Variants in PIK3CD observed in about 807,000 individuals in gnomAD.
PIK3CD encodes phosphatidylinositol-4,5-bisphosphate 3-kinase catalytic subunit delta.
A neutral mutation model predicts 122.9 loss-of-function variants in PIK3CD; 20 were observed. The ratio of observed to expected loss-of-function variants is 0.16; its 90% confidence interval spans 0.11 to 0.24. The LOEUF (loss-of-function observed/expected upper bound fraction) is 0.24, where lower values mean the gene tolerates loss of function less well. Among genes scored for constraint, PIK3CD ranks in the 10% least tolerant of loss-of-function variants. The pLI is 1.00. For synonymous variants in PIK3CD, 596 were observed against 593.4 expected (o/e 1.00, Z -0.06); for missense variants, 787 against 1,406.3 (o/e 0.56, Z 7.04).
chr1:9,673,507 C>T (rs1331661318), intron 1 of PIK3CD, among the ~76,000 whole-genome samples: 2 of 152,114 alleles, frequency 1.3e-5, no homozygotes, highest in Non-Finnish European at 2.9e-5. Flanking sequence ...GTGATCCACC[C>T]ACCTTGGCGT....
Position 9,710,704 on chromosome 1 carries a change from G to A in PIK3CD, c.141+108G>A. Reference sequence around the variant, plus strand: ...AGACAGATGGACAGGTGGACAGACGGACAGACAGATGGACAGATGCACTGC... The same window carrying A: ...AGACAGATGGACAGGTGGACAGACGAACAGACAGATGGACAGATGCACTGC... On this transcript the variant is annotated intron_variant, in intron 3 of 23. Coordinates refer to ENST00000377346, the MANE Select transcript of PIK3CD (RefSeq NM_005026.5). This position sits in a 1 kb window ranked among gnomAD's most constrained non-coding sequence, Gnocchi z 4.7. 2 of 1,246,098 alleles carry A rather than the reference G, an allele frequency of 1.6e-6. No homozygotes were observed. The highest frequency in any genetic ancestry group is 3.5e-5 in the Admixed American group (2 of 57,590). 77.2% of individuals were successfully genotyped at this position (1,246,098 alleles called of 1,614,324 possible).
At chr1:9,633,653 G>A in the PIK3CD span, among the ~76,000 whole-genome samples, 1 of 152,154 alleles carries the variant, frequency 6.6e-6, no homozygotes, top group African/African-American at 2.4e-5. Context: ...CCTTAGACTA[G>A]GTCATAGGTC....
At chr1:9,702,695 A>G (rs1236257413) in intron 2 of PIK3CD, among the ~76,000 whole-genome samples, 1 of 150,268 alleles carries the variant, frequency 6.7e-6, no homozygotes, top group Non-Finnish European at 1.5e-5. Context: ...TAACTTTTGT[A>G]TTTTTAGTAG....
intron 2 of PIK3CD, among the ~76,000 whole-genome samples, chr1:9,701,223 C>T (rs1646615264): frequency 6.6e-6 from 1 of 152,122 alleles, no homozygotes; most frequent in Admixed American, 6.6e-5. Flanking sequence ...CCGTGCCCAC[C>T]ACCCCCTGCT....
rs1294754656 is a variant in PIK3CD at position 9,719,245 on chromosome 1, G to A, written c.1242+330G>A. Among the ~76,000 whole-genome samples the A allele has an allele frequency of 6.6e-6, 1 of 152,234 alleles. No individual in the cohort carries two copies. Among genetic ancestry groups the A allele is most frequent in the African/African-American group, 2.4e-5 (1 of 41,462 alleles). On this transcript the variant is annotated intron_variant, in intron 9 of 23. Transcript: ENST00000377346. This position sits in a 1 kb window ranked among gnomAD's most constrained non-coding sequence, Gnocchi z 5.5. ...GAAAAGCCTGAGTCAGCGGCTGGCC[G>A]GGAGGCGTAGTGGCTGGGTGCTGAG...
intron 1 of PIK3CD, among the ~76,000 whole-genome samples, chr1:9,667,432 A>C (rs935049706): frequency 6.6e-6 from 1 of 150,748 alleles, no homozygotes; most frequent in African/African-American, 2.4e-5. Flanking sequence ...GCTGGAGTGC[A>C]GTGGCGCAAT....
intron 2 of PIK3CD, among the ~76,000 whole-genome samples, chr1:9,702,754 C>A (rs1646696197): frequency 6.6e-6 from 1 of 151,922 alleles, no homozygotes; most frequent in African/African-American, 2.4e-5. Flanking sequence ...CTCCTGACTT[C>A]AAGTGATCCA....
rs777116162 is a variant in PIK3CD at position 9,653,933 on chromosome 1, C to T, written c.-138+2131C>T. 5 of 1,364,868 alleles carry T rather than the reference C, an allele frequency of 3.7e-6. No homozygotes were observed. The African/African-American group carries it at 5.9e-5, about 16-fold the overall frequency. 84.5% of individuals were successfully genotyped at this position (1,364,868 alleles called of 1,614,324 possible). A position where few individuals can be genotyped will look rare whatever the true frequency, so the allele number is the denominator to read the frequency against. Reference sequence around the variant, plus strand: ...CTTAAAACCCAGTTGTGGCTGAGAGCGGTAGCTCATACCTGTCATCCCAGT... The same window carrying T: ...CTTAAAACCCAGTTGTGGCTGAGAGTGGTAGCTCATACCTGTCATCCCAGT... On this transcript the variant is annotated intron_variant, in intron 1 of 23. Coordinates refer to ENST00000377346, the MANE Select transcript of PIK3CD (RefSeq NM_005026.5).
intron 13 of PIK3CD, 93 bp downstream of exon 13, chr1:9,721,002 C>G (rs1648549671): frequency 6.9e-7 from 1 of 1,451,588 alleles, no homozygotes; most frequent in Non-Finnish European, 9.4e-7. Context: ...CCCACCCTCA[C>G]CCTGGCCAAC....
At chr1:9,641,945 A>G in the PIK3CD span, among the ~76,000 whole-genome samples, 1 of 152,052 alleles carries the variant, frequency 6.6e-6, no homozygotes. Context: ...GCAGCTTTCT[A>G]GTTGTGTTGA....
At chr1:9,712,619 GAA>G (rs1647101881) in intron 3 of PIK3CD, among the ~76,000 whole-genome samples, 1 of 152,142 alleles carries the variant, frequency 6.6e-6, no homozygotes, top group Non-Finnish European at 1.5e-5. Context: ...TGGGAGCAGG[GAA>G]AAAATACGAA....
intron 2 of PIK3CD, among the ~76,000 whole-genome samples, chr1:9,707,040 T>C (rs1050005143): frequency 6.6e-6 from 1 of 151,162 alleles, no homozygotes; most frequent in African/African-American, 2.4e-5. Flanking sequence ...CTCTAACTCC[T>C]GGCCTCAAGT....
At chr1:9,661,901 C>T (rs537037408) in intron 1 of PIK3CD, among the ~76,000 whole-genome samples, 8 of 152,086 alleles carry the variant, frequency 5.3e-5, no homozygotes, top group Non-Finnish European at 1.2e-4. Flanking sequence ...GAGGCTGAGG[C>T]AGGACAATGG....
chr1:9,681,643 CT>C (rs1409419179), intron 1 of PIK3CD, among the ~76,000 whole-genome samples: 5 of 152,208 alleles, frequency 3.3e-5, no homozygotes, highest in African/African-American at 1.2e-4. Flanking sequence ...CTCAGGCAAT[CT>C]GCTCGCCTCC....
chr1:9,710,251 C>A lies in PIK3CD; in HGVS notation c.-32-173C>A. On this transcript the variant is annotated intron_variant, in intron 2 of 23. Coordinates refer to ENST00000377346, the MANE Select transcript of PIK3CD (RefSeq NM_005026.5). The surrounding 1 kb of genome is among the most constrained non-coding windows in gnomAD (Gnocchi z 4.7). ...GCCCGGAGTAGTAGGAGCCACAAGC[C>A]ACCCTGGGCAGGACGAGGCCCTGAG... 3.2e-6 allele frequency: 2 copies of A among 616,760 alleles called. No homozygotes were observed. Among genetic ancestry groups the A allele is most frequent in the Non-Finnish European group, 2.9e-6 (1 of 341,108 alleles). The allele number at this position is 616,760 out of a possible 1,614,324, so 38.2% of individuals were successfully genotyped here.
At position 9,723,377 on chromosome 1, in the gene PIK3CD, G is replaced by A. The variant is rs528605515; in HGVS notation, c.2594+85G>A. The stretch of plus-strand genomic sequence containing the variant: ...GCCTCGCCTGTCAGAACAAAGGAGC[G>A]GGGAGGGGCCTCAGACCATCTTTGT... On this transcript the variant is annotated intron_variant, in intron 20 of 23. Coordinates refer to ENST00000377346, the MANE Select transcript of PIK3CD (RefSeq NM_005026.5). This position sits in a 1 kb window ranked among gnomAD's most constrained non-coding sequence, Gnocchi z 4.9. 1.3e-5 allele frequency: 19 copies of A among 1,413,268 alleles called. No homozygotes were observed. The highest frequency in any genetic ancestry group is 1.0e-4 in the Admixed American group (6 of 59,374). The allele number at this position is 1,413,268 out of a possible 1,614,324, so 87.5% of individuals were successfully genotyped here.
At chr1:9,683,266 A>G (rs1645836521) in intron 1 of PIK3CD, among the ~76,000 whole-genome samples, 1 of 151,648 alleles carries the variant, frequency 6.6e-6, no homozygotes, top group Non-Finnish European at 1.5e-5. Flanking sequence ...GTGAAAACCC[A>G]TCTCTACTAA....
chr1:9,703,026 C>T (rs1646705729), intron 2 of PIK3CD, among the ~76,000 whole-genome samples: 1 of 152,210 alleles, frequency 6.6e-6, no homozygotes, highest in Admixed American at 6.5e-5. Flanking sequence ...AAAGTTCGTC[C>T]TCAGGACCCA....
chr1:9,689,529 C>T lies in PIK3CD; in HGVS notation c.-137-1938C>T, dbSNP rs1468028754. 6.8e-6 allele frequency among the ~76,000 whole-genome samples: 1 copy of T among 147,494 alleles called. No individual in the cohort carries two copies. Among genetic ancestry groups the T allele is most frequent in the East Asian group, 2.0e-4 (1 of 5,102 alleles). Reference sequence around the variant, plus strand: ...CCCCGCCTGCCAGTAGTCCCAGCCCCGCCCCGGGCCGCGCCCCTCCGCCGA... The same window carrying T: ...CCCCGCCTGCCAGTAGTCCCAGCCCTGCCCCGGGCCGCGCCCCTCCGCCGA... On this transcript the variant is annotated intron_variant, in intron 1 of 23. Transcript: ENST00000377346. The surrounding 1 kb of genome is among the most constrained non-coding windows in gnomAD (Gnocchi z 6.1).
Sources: gnomAD v4.1 joint callset for allele counts (sites outside exome capture counted in the v4.1 genomes callset) on GRCh38, gnomAD v4.1.1 for gene constraint, Gnocchi (gnomAD v3.1) non-coding constraint, MANE v1.5 for transcripts, NCBI Gene and HGNC (gene_info 2026-07-23, HGNC 2026-07-21) for gene names.